HDGFL3: variants seen among roughly 807,000 people sequenced by gnomAD.
HDGFL3 encodes HDGF like 3.
Under a neutral mutation model 27.6 loss-of-function variants are expected in HDGFL3, and 6 were observed. That is an observed-to-expected ratio of 0.22 (90% CI 0.12 to 0.43). The LOEUF is 0.43. Among genes scored for constraint, HDGFL3 ranks in the 20% least tolerant of loss-of-function variants. The probability of loss-of-function intolerance (pLI) is 1.00; values close to 1 mark genes in which losing one functional copy is unlikely to be tolerated. For missense variants in HDGFL3, 207 were observed against 250.1 expected, an observed-to-expected ratio of 0.83 and a Z score of 1.16; for synonymous variants, 88 against 88.9, an observed-to-expected ratio of 0.99 and a Z score of 0.05.
intron 1 of HDGFL3, among the ~76,000 whole-genome samples, chr15:83,172,595 T>C (rs995553550): frequency 1.3e-5 from 2 of 152,088 alleles, no homozygotes; most frequent in East Asian, 1.9e-4. Context: ...CCCAACACTT[T>C]GGGAGGCCAA....
At chr15:83,206,185 G>A (rs56352317) in intron 1 of HDGFL3, among the ~76,000 whole-genome samples, 30,469 of 152,086 alleles carry the variant, frequency 0.2, 3,186 homozygotes, top group Admixed American at 0.22. Flanking sequence ...ATTTCAGTCT[G>A]GCCACTCGTG....
intron 5 of HDGFL3, among the ~76,000 whole-genome samples, chr15:83,141,993 T>C (rs2036780964): frequency 6.6e-6 from 1 of 152,068 alleles, no homozygotes; most frequent in African/African-American, 2.4e-5. Context: ...CACAACTCAA[T>C]GGCTATTACT....
chr15:83,151,237 T>A lies in HDGFL3; in HGVS notation c.584A>T (p.Asp195Val). The A allele has an allele frequency of 3.1e-6, 5 of 1,612,900 alleles. No individual in the cohort carries two copies. The highest frequency in any genetic ancestry group is 2.5e-6 in the Non-Finnish European group (3 of 1,179,800). Reference sequence around the variant, plus strand: ...TACCCCTTCACTGGTTTTCTGCAAGTCTGAAGTTGTGTTTCTTGTGTCGTT... The same window carrying A: ...TACCCCTTCACTGGTTTTCTGCAAGACTGAAGTTGTGTTTCTTGTGTCGTT... ...AGNDTRNTTS[D>V]LQKTSEGT The change falls in exon 5 of 6, where the codon GAC becomes GTC. Residue 195 changes from aspartate to valine, a missense_variant. Asp to Val is a radical substitution (Grantham distance 152, BLOSUM62 -3). Transcript: ENST00000299633.
At chr15:83,202,049 A>G (rs2151423472) in intron 1 of HDGFL3, among the ~76,000 whole-genome samples, 1 of 152,306 alleles carries the variant, frequency 6.6e-6, no homozygotes, top group South Asian at 2.1e-4. Context: ...GTCTCCAGAA[A>G]TAAATTTATC....
Position 83,151,317 on chromosome 15 carries a change from G to C in HDGFL3, c.504C>G (p.Asp168Glu). ...QSRKSPGDED[D>E]KDCKEEENKS... The stretch of plus-strand genomic sequence containing the variant: ...TGTTTTCCTCTTCTTTGCAGTCTTT[G>C]TCATCTTCATCTCCTGGAGATTTCC... The change falls in exon 5 of 6, where the codon GAC (aspartate) becomes GAG (glutamate). Residue 168 changes from aspartate to glutamate, a missense_variant. Physicochemically the swap from Asp to Glu is conservative, Grantham distance 45 (BLOSUM62 2). Transcript: ENST00000299633. 2 of 1,613,100 alleles carry C rather than the reference G, an allele frequency of 1.2e-6. No homozygotes were observed. Among genetic ancestry groups the C allele is most frequent in the Non-Finnish European group, 1.7e-6 (2 of 1,179,484 alleles).
intron 4 of HDGFL3, among the ~76,000 whole-genome samples, chr15:83,152,991 T>A (rs1174355326): frequency 9.3e-6 from 1 of 107,150 alleles, no homozygotes; most frequent in Non-Finnish European, 1.7e-5. Flanking sequence ...TACGCAGTTC[T>A]TTTTTTTTTT....
intron 3 of HDGFL3, chr15:83,119,846 G>C: frequency 9.3e-7 from 1 of 1,078,474 alleles, no homozygotes; most frequent in Non-Finnish European, 1.3e-6. Flanking sequence ...TTGTACCACT[G>C]CCTTTTGAAT....
In HDGFL3 at chr15:83,194,257, T is replaced by C. The variant is rs2037544685; in HGVS notation, c.84+13074A>G. On this transcript the variant is annotated intron_variant, in intron 1 of 5. Transcript: ENST00000299633. The stretch of plus-strand genomic sequence containing the variant: ...CTCAAAAAGGAAGAAAATTTGGACA[T>C]ACATGAGCCTCAAGGATATTATGCT... Among the ~76,000 whole-genome samples, 5 of 152,264 alleles carry C rather than the reference T, an allele frequency of 3.3e-5. No individual in the cohort carries two copies. The South Asian group carries it at 1.0e-3, about 32-fold the overall frequency.
intron 1 of HDGFL3, among the ~76,000 whole-genome samples, chr15:83,172,993 C>T (rs1487988855): frequency 6.6e-6 from 1 of 152,100 alleles, no homozygotes; most frequent in Non-Finnish European, 1.5e-5. Context: ...AGAAAATTCA[C>T]GTAGAAGTGG....
intron 4 of HDGFL3, among the ~76,000 whole-genome samples, chr15:83,156,779 C>T (rs539119177): frequency 2.0e-5 from 3 of 152,144 alleles, no homozygotes; most frequent in Non-Finnish European, 4.4e-5. Context: ...CTGTAAGCTC[C>T]GCCTCCTGGG....
chr15:83,174,474 A>C (rs1011236136), intron 1 of HDGFL3, among the ~76,000 whole-genome samples: 1 of 151,660 alleles, frequency 6.6e-6, no homozygotes, highest in African/African-American at 2.4e-5. Context: ...AAAACCTTGT[A>C]TATGTTACAT....
chr15:83,191,374 T>C (rs2037509058), intron 1 of HDGFL3, among the ~76,000 whole-genome samples: 1 of 151,946 alleles, frequency 6.6e-6, no homozygotes, highest in African/African-American at 2.4e-5. Flanking sequence ...GTACAGAAAA[T>C]TACAAAACAA....
chr15:83,158,666 T>C (rs2151402772), intron 2 of HDGFL3, among the ~76,000 whole-genome samples: 1 of 152,264 alleles, frequency 6.6e-6, no homozygotes, highest in South Asian at 2.1e-4. Flanking sequence ...TCCATCATAT[T>C]TGCACTACCT....
chr15:83,191,260 T>C (rs982028324), intron 1 of HDGFL3, among the ~76,000 whole-genome samples: 2 of 152,192 alleles, frequency 1.3e-5, no homozygotes, highest in Non-Finnish European at 2.9e-5. Flanking sequence ...GCTGTCTTTA[T>C]ACATGCATTT....
intron 5 of HDGFL3, among the ~76,000 whole-genome samples, chr15:83,142,240 C>T (rs1002800929): frequency 3.9e-5 from 6 of 152,094 alleles, no homozygotes; most frequent in African/African-American, 1.4e-4. Context: ...CTGCAGCACT[C>T]GCTATATACA....
At chr15:83,149,408 A>T (rs1003505969) in intron 5 of HDGFL3, among the ~76,000 whole-genome samples, 1 of 152,250 alleles carries the variant, frequency 6.6e-6, no homozygotes, top group African/African-American at 2.4e-5. Flanking sequence ...TATGGATAAG[A>T]TGAACACAAG....
intron 1 of HDGFL3, among the ~76,000 whole-genome samples, chr15:83,201,046 C>T (rs1354156396): frequency 1.3e-5 from 2 of 151,964 alleles, no homozygotes; most frequent in Non-Finnish European, 2.9e-5. Context: ...ACATGAAGGT[C>T]AACCCATTCC....
rs1846507549 is a variant in HDGFL3, at chr15:83,163,712, A to T, written c.161+287T>A. ...AATAGAAGAAATTACTGGGAGTGGT[A>T]CAGAAACCACTCTAGGACTTAAAAG... On this transcript the variant is annotated intron_variant, in intron 2 of 5. Coordinates refer to ENST00000299633, the MANE Select transcript of HDGFL3 (RefSeq NM_016073.4). 3.4e-5 allele frequency: 11 copies of T among 320,970 alleles called. No homozygotes were observed. In the South Asian group the frequency reaches 4.4e-4, roughly 13 times the overall value. 19.9% of individuals were successfully genotyped at this position (320,970 alleles called of 1,614,324 possible). A position where few individuals can be genotyped will look rare whatever the true frequency, so the allele number is the denominator to read the frequency against.
downstream of HDGFL3, among the ~76,000 whole-genome samples, chr15:83,124,271 GATATATGTGTGTGT>G (rs1319966889): frequency 3.3e-5 from 5 of 152,078 alleles, no homozygotes; most frequent in Non-Finnish European, 5.9e-5. Context: ...GAAAAATGTA[GATATATGTGTGTGT>G]ATATATGTAT....
Sources: allele counts gnomAD v4.1 joint callset (sites outside exome capture counted in the v4.1 genomes callset), GRCh38; gene constraint gnomAD v4.1.1; transcripts MANE v1.5; gene names NCBI Gene and HGNC (gene_info 2026-07-23, HGNC 2026-07-21).